The following MYT1L variants were observed in gnomAD, a reference collection of about 807,000 sequenced individuals.
The protein encoded by MYT1L is myelin transcription factor 1-like protein.
Under a neutral mutation model 126.7 loss-of-function variants are expected in MYT1L, and 12 were observed. That is an observed-to-expected ratio of 0.09 (90% confidence interval 0.06 to 0.15). The LOEUF is 0.15. Ranked by LOEUF, MYT1L falls within the 10% of genes least tolerant of loss-of-function variation. The pLI, the probability that MYT1L is intolerant of heterozygous loss-of-function variation, is 1.00. For synonymous variants in MYT1L, 541 were observed against 604.2 expected (o/e 0.90, Z 1.53); for missense variants, 979 against 1,585.2 (o/e 0.62, Z 6.49).
chr2:1,996,236 C>T (rs893184302), intron 5 of MYT1L, among the ~76,000 whole-genome samples: 31 of 152,254 alleles, frequency 2.0e-4, no homozygotes, highest in Admixed American at 1.1e-3. Flanking sequence ...ACAACCTAAC[C>T]GTCTACAGTG....
chr2:2,092,512 A>ATACT (rs765968654), intron 3 of MYT1L, among the ~76,000 whole-genome samples: 5 of 152,362 alleles, frequency 3.3e-5, no homozygotes, highest in African/African-American at 4.8e-5. Context: ...TGTGACACAG[A>ATACT]TACTGCATGA....
At chr2:2,176,802 A>G (rs1395872799) in intron 2 of MYT1L, among the ~76,000 whole-genome samples, 3 of 152,068 alleles carry the variant, frequency 2.0e-5, no homozygotes, top group African/African-American at 7.2e-5. Context: ...CCTGGCCTAG[A>G]ATATAACCTT....
chr2:2,027,231 C>T (rs901395005), intron 4 of MYT1L, among the ~76,000 whole-genome samples: 1 of 152,096 alleles, frequency 6.6e-6, no homozygotes, highest in Non-Finnish European at 1.5e-5. Context: ...CAGGAGAGCT[C>T]CACCCCGGGA....
At chr2:1,847,608 T>TG (rs1338202037) in intron 19 of MYT1L, among the ~76,000 whole-genome samples, 3 of 151,724 alleles carry the variant, frequency 2.0e-5, no homozygotes, top group Non-Finnish European at 2.9e-5. Context: ...GAAGTGGGCC[T>TG]GGGGGGTCGG....
At chr2:2,271,028 C>T (rs779810499) in intron 2 of MYT1L, among the ~76,000 whole-genome samples, 8 of 152,312 alleles carry the variant, frequency 5.3e-5, no homozygotes, top group Non-Finnish European at 1.0e-4. Flanking sequence ...GGGAGCATGC[C>T]GCGGCCTTGC....
At chr2:1,906,916 A>AAAT (rs562782935) in intron 13 of MYT1L, among the ~76,000 whole-genome samples, 16 of 150,766 alleles carry the variant, frequency 1.1e-4, no homozygotes, top group South Asian at 6.3e-4. Flanking sequence ...TGTCTCTCCA[A>AAAT]AATAATAATA....
intron 9 of MYT1L, among the ~76,000 whole-genome samples, chr2:1,934,658 T>A (rs887632736): frequency 1.3e-5 from 2 of 151,898 alleles, no homozygotes; most frequent in African/African-American, 4.8e-5. Flanking sequence ...TACACCACTG[T>A]CTCTGTCTCT....
chr2:2,265,844 G>T (rs1449191528), intron 2 of MYT1L, among the ~76,000 whole-genome samples: 1 of 152,202 alleles, frequency 6.6e-6, no homozygotes. Context: ...AGAGCCTTGA[G>T]GCTGATGGGA....
At chr2:2,063,562 G>C (rs2070817716) in intron 3 of MYT1L, among the ~76,000 whole-genome samples, 1 of 152,134 alleles carries the variant, frequency 6.6e-6, no homozygotes, top group African/African-American at 2.4e-5. Flanking sequence ...AAAAGAACAT[G>C]GCCAGGCGCA....
chr2:2,008,413 T>C (rs1198919322), intron 4 of MYT1L, among the ~76,000 whole-genome samples: 2 of 152,246 alleles, frequency 1.3e-5, no homozygotes, highest in African/African-American at 4.8e-5. Context: ...GATGGCTTTA[T>C]TTTGCGTTTC....
intron 10 of MYT1L, among the ~76,000 whole-genome samples, chr2:1,919,066 G>A (rs1325023942): frequency 6.6e-6 from 1 of 152,134 alleles, no homozygotes; most frequent in African/African-American, 2.4e-5. Context: ...AAAAGTGTAA[G>A]GTGTATCTAT....
intron 1 of MYT1L, among the ~76,000 whole-genome samples, chr2:2,314,047 A>G (rs1448182642): frequency 6.6e-6 from 1 of 152,178 alleles, no homozygotes; most frequent in Non-Finnish European, 1.5e-5. Context: ...CTGTTTTATG[A>G]CAGTTCTTAT....
chr2:1,865,485 T>A (rs553629421), intron 18 of MYT1L, among the ~76,000 whole-genome samples: 57 of 152,326 alleles, frequency 3.7e-4, no homozygotes, highest in African/African-American at 1.3e-3. Flanking sequence ...AGTTTCTGCA[T>A]CTGTAAAATA....
At position 1,910,726 on chromosome 2, in the gene MYT1L, T is replaced by G. The variant is rs565527097; in HGVS notation, c.1710-379A>C. Among the ~76,000 whole-genome samples, 9 of 152,248 alleles carry G rather than the reference T, an allele frequency of 5.9e-5. No individual in the cohort carries two copies. The South Asian group carries it at 1.9e-3, about 32-fold the overall frequency. On this transcript the variant is annotated intron_variant, in intron 12 of 24. Coordinates refer to ENST00000647738, the MANE Select transcript of MYT1L (RefSeq NM_001303052.2). This position sits in a 1 kb window ranked among gnomAD's most constrained non-coding sequence, Gnocchi z 4.8. ...TAGGATGAGTTTTGAAGCCCCAGAA[T>G]GGCAATGAATTGACTGTTACCAGAA...
At chr2:2,295,541 G>GAGAGAGATAGAGAGACAGACAGACAC (rs1177460393) in intron 1 of MYT1L, among the ~76,000 whole-genome samples, 5 of 143,710 alleles carry the variant, frequency 3.5e-5, no homozygotes, top group Non-Finnish European at 4.7e-5. Flanking sequence ...GAAAGATAGA[G>GAGAGAGATAGAGAGACAGACAGACAC]AGAGAGAGAG....
intron 8 of MYT1L, among the ~76,000 whole-genome samples, chr2:1,947,490 G>A (rs1316414623): frequency 6.6e-6 from 1 of 152,152 alleles, no homozygotes; most frequent in Non-Finnish European, 1.5e-5. Context: ...GCTGTGGTGG[G>A]TGTCTGAGTC....
intron 3 of MYT1L, among the ~76,000 whole-genome samples, chr2:2,119,554 C>A (rs2080693236): frequency 6.6e-6 from 1 of 152,044 alleles, no homozygotes. Context: ...TTCCATTTTC[C>A]GTAAGAAAAA....
chr2:2,055,947 G>A (rs1279606804), intron 3 of MYT1L, among the ~76,000 whole-genome samples: 1 of 152,294 alleles, frequency 6.6e-6, no homozygotes, highest in East Asian at 1.9e-4. Context: ...TAACAAGGAG[G>A]AAGACCTGGA....
rs1247062207 is a variant in MYT1L, at chr2:2,027,773, C to A, written c.-158+26205G>T. ...GGGTGACATCTCTGAGTCTTACCTG[C>A]CTGAGTGATCAAGGGAGGAAGGTCA... is the stretch of plus-strand genomic sequence containing the variant. On this transcript the variant is annotated intron_variant, in intron 4 of 24. Coordinates refer to ENST00000647738, the MANE Select transcript of MYT1L (RefSeq NM_001303052.2). 4.8e-4 allele frequency among the ~76,000 whole-genome samples: 72 copies of A among 151,550 alleles called. 1 individual carries two copies. Among genetic ancestry groups the A allele is most frequent in the Non-Finnish European group, 1.9e-4 (13 of 68,010 alleles).
Sources: gnomAD v4.1 joint callset for allele counts (sites outside exome capture counted in the v4.1 genomes callset) on GRCh38, gnomAD v4.1.1 for gene constraint, Gnocchi (gnomAD v3.1) non-coding constraint, MANE v1.5 for transcripts, NCBI Gene and HGNC (gene_info 2026-07-23, HGNC 2026-07-21) for gene names.